The following DLG2 variants were observed in gnomAD, a reference collection of about 807,000 sequenced individuals.
DLG2 encodes disks large homolog 2.
Under a neutral mutation model 132.5 loss-of-function variants are expected in DLG2, and 45 were observed. That is an observed-to-expected ratio of 0.34 (90% confidence interval 0.27 to 0.44). DLG2 has a LOEUF of 0.44. Among genes scored for constraint, DLG2 ranks in the 20% least tolerant of loss-of-function variants. DLG2 has a pLI of 1.00. For synonymous variants in DLG2, 424 were observed against 419.6 expected (o/e 1.01, Z -0.13); for missense variants, 1,045 against 1,196.9 (o/e 0.87, Z 1.87).
chr11:84,943,167 C>CGT (rs201404405), intron 6 of DLG2, among the ~76,000 whole-genome samples: 7,327 of 137,814 alleles, frequency 0.053, 365 homozygotes, highest in East Asian at 0.26. Flanking sequence ...TGTGTGTGTG[C>CGT]GTGTGTGTGT....
At chr11:85,049,196 C>T (rs941842892) in intron 6 of DLG2, among the ~76,000 whole-genome samples, 4 of 151,934 alleles carry the variant, frequency 2.6e-5, no homozygotes, top group African/African-American at 9.7e-5. Flanking sequence ...CAAAATCCAT[C>T]CTATAGTGAG....
chr11:84,675,948 T>C (rs2099710773), intron 6 of DLG2, among the ~76,000 whole-genome samples: 1 of 151,946 alleles, frequency 6.6e-6, no homozygotes, highest in Non-Finnish European at 1.5e-5. Flanking sequence ...TGGGTACCCA[T>C]ACTGGCCCTT....
At chr11:85,080,079 T>G (rs979544779) in intron 6 of DLG2, among the ~76,000 whole-genome samples, 5 of 152,110 alleles carry the variant, frequency 3.3e-5, no homozygotes, top group Admixed American at 1.3e-4. Context: ...TATCCTTGAT[T>G]TGAAGAATTT....
chr11:83,873,466 G>C (rs1451742635), intron 16 of DLG2, among the ~76,000 whole-genome samples: 1 of 152,096 alleles, frequency 6.6e-6, no homozygotes, highest in Non-Finnish European at 1.5e-5. Flanking sequence ...GTTTTATAAG[G>C]GGAAACCTTA....
intron 7 of DLG2, among the ~76,000 whole-genome samples, chr11:84,455,586 T>A (rs1048229790): frequency 6.6e-6 from 1 of 151,048 alleles, no homozygotes; most frequent in Non-Finnish European, 1.5e-5. Flanking sequence ...TAAAAAAAGT[T>A]AGAAATCAAA....
At chr11:84,850,435 C>T (rs2082039367) in intron 6 of DLG2, among the ~76,000 whole-genome samples, 1 of 152,140 alleles carries the variant, frequency 6.6e-6, no homozygotes, top group Non-Finnish European at 1.5e-5. Context: ...GGGATACTCA[C>T]AGCTAACATC....
At chr11:84,130,845 G>A (rs2094393181) in intron 9 of DLG2, among the ~76,000 whole-genome samples, 1 of 151,368 alleles carries the variant, frequency 6.6e-6, no homozygotes, top group South Asian at 2.1e-4. Flanking sequence ...TTTTAGAGAA[G>A]TATCTCATTG....
At chr11:85,610,305 G>C (rs1189516921) in intron 2 of DLG2, among the ~76,000 whole-genome samples, 1 of 152,214 alleles carries the variant, frequency 6.6e-6, no homozygotes, top group Non-Finnish European at 1.5e-5. Context: ...GTGGAGACTA[G>C]TGCAAGATCT....
chr11:84,089,387 C>T (rs2097051351), intron 10 of DLG2, among the ~76,000 whole-genome samples: 2 of 152,256 alleles, frequency 1.3e-5, no homozygotes, highest in South Asian at 4.1e-4. Context: ...TTCCTCCCCT[C>T]TCTGTGTTTC....
chr11:85,456,478 CT>C (rs2092426247), intron 3 of DLG2, among the ~76,000 whole-genome samples: 2 of 152,232 alleles, frequency 1.3e-5, no homozygotes, highest in Non-Finnish European at 2.9e-5. Flanking sequence ...CAGTTCAGCT[CT>C]AATTTTGGTT....
At chr11:85,039,472 T>A (rs986899308) in intron 6 of DLG2, among the ~76,000 whole-genome samples, 4 of 152,016 alleles carry the variant, frequency 2.6e-5, no homozygotes, top group Admixed American at 6.6e-5. Context: ...CCTAGTTGTA[T>A]AAGCTTAAGT....
At position 85,609,690 on chromosome 11, in the gene DLG2, C is replaced by G. The variant is rs566632567; in HGVS notation, c.-92-10902G>C. Among the ~76,000 whole-genome samples, 7 of 152,254 alleles carry G rather than the reference C, an allele frequency of 4.6e-5. No individual in the cohort carries two copies. The East Asian group carries it at 1.2e-3, about 25-fold the overall frequency. On this transcript the variant is annotated intron_variant, in intron 2 of 27. Transcript: ENST00000376104. ...AGACCCAACAACAGGACTGAGGGTG[C>G]CTGGGGCAAGCACCAGCTCATGTTA...
intron 7 of DLG2, among the ~76,000 whole-genome samples, chr11:84,323,219 C>G (rs2098414369): frequency 6.6e-6 from 1 of 152,112 alleles, no homozygotes; most frequent in Admixed American, 6.5e-5. Context: ...CCCCCAGCCC[C>G]TAACAACCAC....
At chr11:85,615,808 T>C (rs1434270126) in intron 2 of DLG2, among the ~76,000 whole-genome samples, 1 of 152,094 alleles carries the variant, frequency 6.6e-6, no homozygotes, top group African/African-American at 2.4e-5. Flanking sequence ...AAATGCATCA[T>C]TGCCATATCT....
intron 6 of DLG2, among the ~76,000 whole-genome samples, chr11:85,020,454 C>A (rs2059952085): frequency 6.6e-6 from 1 of 152,074 alleles, no homozygotes; most frequent in Admixed American, 6.5e-5. Flanking sequence ...CTCTACAGCT[C>A]TTTAGTTTAG....
intron 8 of DLG2, among the ~76,000 whole-genome samples, chr11:84,225,664 T>C (rs2096980725): frequency 2.0e-5 from 3 of 152,212 alleles, no homozygotes; most frequent in African/African-American, 4.8e-5. Context: ...TTCCCCAATG[T>C]ATGTTCTTTA....
chr11:85,204,606 T>C (rs1015952169), intron 4 of DLG2, among the ~76,000 whole-genome samples: 1 of 151,754 alleles, frequency 6.6e-6, no homozygotes, highest in African/African-American at 2.4e-5. Context: ...ATATCCATAC[T>C]CCCCAAAGCA....
chr11:85,121,257 T>A (rs1418442272), intron 5 of DLG2, among the ~76,000 whole-genome samples: 1 of 151,992 alleles, frequency 6.6e-6, no homozygotes, highest in Non-Finnish European at 1.5e-5. Flanking sequence ...CCAATTATTT[T>A]ATAACCTGAT....
intron 18 of DLG2, among the ~76,000 whole-genome samples, chr11:83,711,503 G>T (rs1198528330): frequency 2.1e-5 from 3 of 141,150 alleles, no homozygotes; most frequent in African/African-American, 7.9e-5. Context: ...CACCCTGTGG[G>T]AACCCTGCAA....
Sources: gnomAD v4.1 joint callset for allele counts (sites outside exome capture counted in the v4.1 genomes callset) on GRCh38, gnomAD v4.1.1 for gene constraint, MANE v1.5 for transcripts, NCBI Gene and HGNC (gene_info 2026-07-23, HGNC 2026-07-21) for gene names.